CDKL5: variants seen among roughly 807,000 people sequenced by gnomAD.
CDKL5 encodes cyclin-dependent kinase-like 5.
CDKL5 carries 8 observed loss-of-function variants against 61.7 expected under a neutral mutation model. The ratio of observed to expected loss-of-function variants is 0.13; its 90% CI spans 0.08 to 0.23. The LOEUF is 0.23. CDKL5 is among the 10% of genes least tolerant of loss of function. The probability of loss-of-function intolerance (pLI) is 1.00; values close to 1 mark genes in which losing one functional copy is unlikely to be tolerated. For synonymous variants in CDKL5, 275 were observed against 272.3 expected, an observed-to-expected ratio of 1.01 and a Z score of -0.10; for missense variants, 440 against 734.5, an observed-to-expected ratio of 0.60 and a Z score of 4.63.
intron 15 of CDKL5, among the ~76,000 whole-genome samples, chrX:18,618,348 T>C (rs914035707): frequency 3.6e-5 from 4 of 111,965 alleles, no homozygotes; most frequent in African/African-American, 1.3e-4. Flanking sequence ...CGTATAATTC[T>C]TTAACCTCTA....
chrX:18,604,916 T>C (rs1394348291), intron 12 of CDKL5, 48 bp downstream of exon 12: 5 of 1,189,876 alleles, frequency 4.2e-6, no homozygotes. Flanking sequence ...CAGGGGAAGG[T>C]GGTACGAGGG....
chrX:18,505,518 C>T (rs1436414374), intron 1 of CDKL5, among the ~76,000 whole-genome samples: 2 of 112,243 alleles, frequency 1.8e-5, no homozygotes, highest in African/African-American at 6.5e-5. Flanking sequence ...GGAATAGTCG[C>T]TTCTTGTTAC....
chrX:18,645,657 A>C (rs781589263), intron 19 of CDKL5, among the ~76,000 whole-genome samples: 133 of 110,643 alleles, frequency 1.2e-3, no homozygotes, highest in African/African-American at 4.2e-3. Flanking sequence ...CCACACCTCA[A>C]CTACTCTCCC....
At chrX:18,578,480 G>A (rs1925370859) in intron 5 of CDKL5, among the ~76,000 whole-genome samples, 1 of 111,876 alleles carries the variant, frequency 8.9e-6, no homozygotes, top group Admixed American at 9.4e-5. Flanking sequence ...TTCACACTCT[G>A]AAAATTATTG....
At chrX:18,492,717 T>C (rs1451107061) in intron 1 of CDKL5, among the ~76,000 whole-genome samples, 1 of 111,954 alleles carries the variant, frequency 8.9e-6, no homozygotes, top group Non-Finnish European at 1.9e-5. Flanking sequence ...ACCAATTTAG[T>C]CCATCCTCCC....
chrX:18,579,411 A>G (rs776639749), intron 5 of CDKL5, among the ~76,000 whole-genome samples: 2 of 110,958 alleles, frequency 1.8e-5, no homozygotes, highest in South Asian at 3.8e-4. Context: ...TTTTTCTACT[A>G]AGAATATTTC....
intron 1 of CDKL5, among the ~76,000 whole-genome samples, chrX:18,477,281 G>C (rs1258575081): frequency 9.4e-6 from 1 of 105,894 alleles, no homozygotes; most frequent in East Asian, 3.0e-4. Context: ...TGGCCAACCT[G>C]GTCTTGAACT....
At chrX:18,586,088 C>G (rs1414203281) in intron 8 of CDKL5, among the ~76,000 whole-genome samples, 2 of 111,333 alleles carry the variant, frequency 1.8e-5, no homozygotes, top group African/African-American at 6.5e-5. Context: ...GAAAGCTTTA[C>G]TATTTTTTTT....
rs779791138 is a variant in CDKL5, at chrX:18,653,514, C to T, written c.3063C>T (p.Tyr1021=). Residue 1021 remains tyrosine (Y), a synonymous_variant, in exon 22 of 22, where the codon TAC becomes TAT. Transcript: ENST00000379989. The stretch of plus-strand genomic sequence containing the variant: ...TAAACCAAGCTGCGCTCCTGACATA[C>T]CATGAGAATGCGGCACTGACGGGCA... The T allele has an allele frequency of 1.7e-6, 2 of 1,210,474 alleles. No individual in the cohort carries two copies. The highest frequency in any genetic ancestry group is 3.5e-5 in the African/African-American group (2 of 57,320).
chrX:18,546,106 ACT>A (rs1924182617), intron 3 of CDKL5, among the ~76,000 whole-genome samples: 1 of 110,748 alleles, frequency 9.0e-6, no homozygotes, highest in African/African-American at 3.3e-5. Flanking sequence ...ATTGGGGTGT[ACT>A]CTCTGCCCTG....
rs1274670299 is a variant in CDKL5 at position 18,647,100 on chromosome X, A to G, written c.2797+1010A>G. ...CCAGTTAATTTTTTGTATTTTTAGTAGAGACGGGGTTTCACTGTGTTGGCC... is the reference window on the plus strand; with the variant it reads ...CCAGTTAATTTTTTGTATTTTTAGTGGAGACGGGGTTTCACTGTGTTGGCC... On this transcript the variant is annotated intron_variant, in intron 20 of 21. Coordinates refer to the CDKL5 transcript ENST00000379989. The G allele has an allele frequency of 3.9e-6, 4 of 1,036,064 alleles. No homozygotes were observed. The African/African-American group carries it at 7.4e-5, about 19-fold the overall frequency. 85.4% of individuals were successfully genotyped at this position (1,036,064 alleles called of 1,213,427 possible).
At chrX:18,442,249 A>G (rs1931762259) in intron 1 of CDKL5, 1 of 110,737 alleles carries the variant, frequency 9.0e-6, no homozygotes, top group African/African-American at 3.3e-5. Flanking sequence ...GGAAGACCCT[A>G]CAGGAAGTTG....
rs1927202922 is a variant in CDKL5, at chrX:18,630,507, T to A, written c.*1750T>A. On this transcript the variant is annotated 3_prime_UTR_variant, in exon 18 of 18. Coordinates refer to ENST00000623535, the MANE Select transcript of CDKL5 (RefSeq NM_001323289.2). ...AGTCAGCTATGATCAAAATGTGCTGTTACTGTTAACCCTCCCCCGAGATTT... is the reference window on the plus strand; with the variant it reads ...AGTCAGCTATGATCAAAATGTGCTGATACTGTTAACCCTCCCCCGAGATTT... 1.3e-6 allele frequency: 1 copy of A among 750,428 alleles called. No homozygotes were observed. Among genetic ancestry groups the A allele is most frequent in the Non-Finnish European group, 1.6e-6 (1 of 637,876 alleles). The allele number at this position is 750,428 out of a possible 1,213,427, so 61.8% of individuals were successfully genotyped here. A position where few individuals can be genotyped will look rare whatever the true frequency, so the allele number is the denominator to read the frequency against.
At chrX:18,584,147 A>G in intron 7 of CDKL5, 116 bp from the exon 8 acceptor site, 1 of 558,265 alleles carries the variant, frequency 1.8e-6, no homozygotes, top group Non-Finnish European at 3.3e-6. Flanking sequence ...CCATGCGAGA[A>G]CAGTCATTAC....
chrX:18,623,328 T>G (rs1926945750), intron 16 of CDKL5, among the ~76,000 whole-genome samples: 1 of 112,414 alleles, frequency 8.9e-6, no homozygotes, highest in South Asian at 3.7e-4. Flanking sequence ...GAACAAGGCC[T>G]CTTACTCAAC....
Position 18,551,767 on chromosome X carries a change from T to G in CDKL5, c.100-12710T>G, listed in dbSNP as rs777656501. On this transcript the variant is annotated intron_variant, in intron 3 of 17. Transcript: ENST00000623535. ...CACCCAGCTAATCTTTTGTAGTGTG[T>G]GTGTGTGCAGAGACAGGGTTTCACC... Among the ~76,000 whole-genome samples, 338 of 106,773 alleles carry G rather than the reference T, an allele frequency of 3.2e-3. 3 individuals are homozygous for G. The highest frequency in any genetic ancestry group is 0.011 in the African/African-American group (320 of 29,416). The allele number at this position is 106,773 out of a possible 115,157, so 92.7% of individuals were successfully genotyped here.
Position 18,647,238 on chromosome X carries a change from A to G in CDKL5, c.2797+1148A>G. On this transcript the variant is annotated intron_variant, in intron 20 of 21. Transcript: ENST00000379989. The stretch of plus-strand genomic sequence containing the variant: ...GGGCCTTGTTTGCAGTCCACGAAGA[A>G]TACCAGCCCACATACTGCTCCGGGT... 8.3e-7 allele frequency: 1 copy of G among 1,211,056 alleles called. No individual in the cohort carries two copies. Among genetic ancestry groups the G allele is most frequent in the Non-Finnish European group, 1.1e-6 (1 of 895,336 alleles).
chrX:18,561,835 AAAG>A (rs1924815618), intron 3 of CDKL5, among the ~76,000 whole-genome samples: 1 of 112,106 alleles, frequency 8.9e-6, no homozygotes, highest in Non-Finnish European at 1.9e-5. Flanking sequence ...AGATTTAAGG[AAAG>A]AAATAATTAA....
chrX:18,527,217 T>C (rs1422269719), intron 3 of CDKL5, among the ~76,000 whole-genome samples: 1 of 111,878 alleles, frequency 8.9e-6, no homozygotes, highest in African/African-American at 3.2e-5. Flanking sequence ...TTGAAAAATA[T>C]ATTTAGCTTA....
Sources: allele counts gnomAD v4.1 joint callset (sites outside exome capture counted in the v4.1 genomes callset), GRCh38; gene constraint gnomAD v4.1.1; transcripts MANE v1.5; gene names NCBI Gene and HGNC (gene_info 2026-07-23, HGNC 2026-07-21).